The following DLG2 variants were observed in gnomAD, a reference collection of about 807,000 sequenced individuals.
The protein encoded by DLG2 is disks large homolog 2.
Under a neutral mutation model 132.5 loss-of-function variants are expected in DLG2, and 45 were observed. The ratio of observed to expected loss-of-function variants is 0.34; its 90% CI spans 0.27 to 0.44. DLG2 has a LOEUF of 0.44. Ranked by LOEUF, DLG2 falls within the 20% of genes least tolerant of loss-of-function variation. DLG2 has a pLI of 1.00. For missense variants in DLG2, 1,045 were observed against 1,196.9 expected, an observed-to-expected ratio of 0.87 and a Z score of 1.87; for synonymous variants, 424 against 419.6, an observed-to-expected ratio of 1.01 and a Z score of -0.13.
chr11:84,725,690 C>G (rs1402353666), intron 6 of DLG2, among the ~76,000 whole-genome samples: 2 of 152,098 alleles, frequency 1.3e-5, no homozygotes, highest in African/African-American at 2.4e-5. Flanking sequence ...GTTAACTTAT[C>G]TAAGCTACCA....
At chr11:83,977,910 C>T (rs1220240245) in intron 12 of DLG2, among the ~76,000 whole-genome samples, 1 of 152,048 alleles carries the variant, frequency 6.6e-6, no homozygotes, top group Non-Finnish European at 1.5e-5. Context: ...ATCTGTGTGC[C>T]TATCTTTCTG....
At chr11:84,746,748 A>G (rs1203753863) in intron 6 of DLG2, among the ~76,000 whole-genome samples, 2 of 152,216 alleles carry the variant, frequency 1.3e-5, no homozygotes, top group Non-Finnish European at 2.9e-5. Flanking sequence ...CAATAAGAAT[A>G]TTTGTTGACC....
At chr11:84,223,978 C>A (rs943843098) in intron 8 of DLG2, among the ~76,000 whole-genome samples, 1 of 152,186 alleles carries the variant, frequency 6.6e-6, no homozygotes, top group African/African-American at 2.4e-5. Context: ...TGGAGGCCTG[C>A]CTTTCCACTC....
At chr11:85,048,325 A>G (rs1404026030) in intron 6 of DLG2, among the ~76,000 whole-genome samples, 1 of 151,966 alleles carries the variant, frequency 6.6e-6, no homozygotes, top group African/African-American at 2.4e-5. Context: ...AGAAATGGAT[A>G]TATTCCATAT....
At chr11:83,970,010 G>A (rs1307450570) in intron 12 of DLG2, among the ~76,000 whole-genome samples, 1 of 150,934 alleles carries the variant, frequency 6.6e-6, no homozygotes, top group African/African-American at 2.4e-5. Context: ...TATACTGAGA[G>A]AACAGAAGAG....
chr11:84,369,928 T>C (rs1447934335), intron 7 of DLG2, among the ~76,000 whole-genome samples: 1 of 152,152 alleles, frequency 6.6e-6, no homozygotes, highest in African/African-American at 2.4e-5. Flanking sequence ...GAAACTGACA[T>C]TCACAGAAGC....
chr11:85,027,458 G>T (rs571187658), intron 6 of DLG2, among the ~76,000 whole-genome samples: 6 of 152,080 alleles, frequency 3.9e-5, no homozygotes, highest in Admixed American at 6.5e-5. Context: ...AGTATTGCTC[G>T]CGCCCACAGG....
chr11:85,134,477 C>T (rs916308690), intron 5 of DLG2, among the ~76,000 whole-genome samples: 1 of 133,810 alleles, frequency 7.5e-6, no homozygotes, highest in African/African-American at 2.8e-5. Flanking sequence ...TGCAGTGAGC[C>T]GAGATCCCGC....
chr11:83,616,313 C>A (rs2060802099), intron 19 of DLG2, among the ~76,000 whole-genome samples: 2 of 152,102 alleles, frequency 1.3e-5, no homozygotes, highest in South Asian at 4.1e-4. Flanking sequence ...GACAAAAAAT[C>A]TTCCAATGTG....
chr11:84,570,611 T>C (rs1320041521), intron 6 of DLG2, among the ~76,000 whole-genome samples: 3 of 152,094 alleles, frequency 2.0e-5, no homozygotes, highest in South Asian at 2.1e-4. Context: ...CATCACTGAT[T>C]TTGCCTTCCA....
chr11:84,111,015 A>G (rs543022203), intron 9 of DLG2, among the ~76,000 whole-genome samples: 2 of 152,078 alleles, frequency 1.3e-5, no homozygotes, highest in South Asian at 4.2e-4. Context: ...TTTCCCCTTC[A>G]TTTTCCTCCT....
intron 6 of DLG2, among the ~76,000 whole-genome samples, chr11:84,776,193 T>A (rs2070456056): frequency 6.6e-6 from 1 of 152,170 alleles, no homozygotes; most frequent in African/African-American, 2.4e-5. Flanking sequence ...ATTGGTCTGT[T>A]TCCTAGGCTG....
chr11:85,443,715 G>T (rs916371450), intron 3 of DLG2, among the ~76,000 whole-genome samples: 2 of 152,168 alleles, frequency 1.3e-5, no homozygotes, highest in Non-Finnish European at 2.9e-5. Context: ...TTCTGCAAAT[G>T]AAAGAACATT....
chr11:84,460,101 A>C, intron 7 of DLG2, among the ~76,000 whole-genome samples: 1 of 150,628 alleles, frequency 6.6e-6, no homozygotes, highest in East Asian at 1.9e-4. Context: ...AAATAGGATT[A>C]ATATGTTTTA....
At chr11:84,044,247 A>G (rs11233886) in intron 11 of DLG2, among the ~76,000 whole-genome samples, 15,567 of 151,804 alleles carry the variant, frequency 0.1, 1,074 homozygotes, top group African/African-American at 0.19. Flanking sequence ...TTAGAACACC[A>G]CCTAATACAT....
At chr11:85,517,264 G>A (rs2094187764) in intron 3 of DLG2, among the ~76,000 whole-genome samples, 1 of 151,706 alleles carries the variant, frequency 6.6e-6, no homozygotes, top group African/African-American at 2.4e-5. Flanking sequence ...CCCAAGATAG[G>A]CATAGAAGAA....
chr11:83,575,105 A>T (rs2144209631), intron 19 of DLG2, among the ~76,000 whole-genome samples: 1 of 152,340 alleles, frequency 6.6e-6, no homozygotes, highest in Admixed American at 6.5e-5. Flanking sequence ...AGCAGCTTTC[A>T]TCTTTAAAGA....
intron 6 of DLG2, among the ~76,000 whole-genome samples, chr11:84,676,965 T>C (rs1035011353): frequency 2.6e-5 from 4 of 151,932 alleles, no homozygotes; most frequent in African/African-American, 7.3e-5. Context: ...TGGGGCATCA[T>C]TGGTGACTGG....
At chr11:85,340,653 A>T (rs1338161185) in intron 3 of DLG2, among the ~76,000 whole-genome samples, 2 of 152,212 alleles carry the variant, frequency 1.3e-5, no homozygotes, top group African/African-American at 4.8e-5. Flanking sequence ...TTAAAAAGGT[A>T]AAATTTTTTT....
Sources: gnomAD v4.1 joint callset for allele counts (sites outside exome capture counted in the v4.1 genomes callset) on GRCh38, gnomAD v4.1.1 for gene constraint, MANE v1.5 for transcripts, NCBI Gene and HGNC (gene_info 2026-07-23, HGNC 2026-07-21) for gene names.